The following TRPM5 variants were observed in gnomAD, a reference collection of about 807,000 sequenced individuals.
The protein encoded by TRPM5 is transient receptor potential cation channel subfamily M member 5, also known as MLSN1 and TRP-related.
A neutral mutation model predicts 124.9 loss-of-function variants in TRPM5; 121 were observed. That is an observed-to-expected ratio of 0.97 (90% CI 0.84 to 1.13). TRPM5 has a LOEUF of 1.13. TRPM5 is among the 50% of genes most tolerant of loss of function. TRPM5 has a pLI of 0.00. For synonymous variants in TRPM5, 781 were observed against 700.5 expected, an observed-to-expected ratio of 1.11 and a Z score of -1.81; for missense variants, 1,643 against 1,589.1, an observed-to-expected ratio of 1.03 and a Z score of -0.58.
intron 7 of TRPM5, 98 bp downstream of exon 12, chr11:2,417,629 G>A (rs1259046042): frequency 8.9e-6 from 8 of 899,966 alleles, no homozygotes; most frequent in Non-Finnish European, 1.4e-5. Context: ...GCAGGCGGCC[G>A]AGCGTCACAA....
chr11:2,404,985 T>C (rs146499189), exon 24 of TRPM5: 1 of 1,612,794 alleles, frequency 6.2e-7, no homozygotes, highest in East Asian at 2.2e-5. Flanking sequence ...CCCAGCCATC[T>C]AAACCACCTC....
chr11:2,405,606 A>G lies in TRPM5; in HGVS notation c.3325-13T>C. On this transcript the variant is annotated splice_polypyrimidine_tract_variant and intron_variant, in intron 22 of 23. Transcript: ENST00000155858. ...AGCAGTAGTTGATCTGGAGAAGGGAAACACGTCCGGGAAGCTCCAGGGCTC... is the reference window on the plus strand; with the variant it reads ...AGCAGTAGTTGATCTGGAGAAGGGAGACACGTCCGGGAAGCTCCAGGGCTC... The G allele has an allele frequency of 6.4e-7, 1 of 1,556,472 alleles. No homozygotes were observed.
At chr11:2,407,076 ACCTCGG>A (rs1351469825) in intron 20 of TRPM5, 37 bp downstream of exon 25, 1 of 1,497,792 alleles carries the variant, frequency 6.7e-7, no homozygotes, top group Non-Finnish European at 8.9e-7. Context: ...GGGACCCGCC[ACCTCGG>A]CCTCACCCAG....
chr11:2,443,601 C>A, the TRPM5 span, among the ~76,000 whole-genome samples: 4 of 152,176 alleles, frequency 2.6e-5, no homozygotes, highest in Non-Finnish European at 4.4e-5. This position sits in a 1 kb window ranked among gnomAD's most constrained non-coding sequence, Gnocchi z 5.0. Flanking sequence ...GCGTCAAGGG[C>A]CTGGGCTGGA....
chr11:2,411,305 G>C, intron 18 of TRPM5, 47 bp downstream of exon 23: 1 of 1,498,756 alleles, frequency 6.7e-7, no homozygotes, highest in Non-Finnish European at 9.0e-7. Flanking sequence ...TGTGCACACA[G>C]GGCTCCAATT....
upstream of TRPM5, among the ~76,000 whole-genome samples, chr11:2,424,189 C>T (rs1845814762): frequency 6.6e-6 from 1 of 152,240 alleles, no homozygotes; most frequent in African/African-American, 2.4e-5. Flanking sequence ...ACCACAGAAG[C>T]CCTTTGTGAG....
chr11:2,415,100 C>A, intron 9 of TRPM5, 21 bp downstream of exon 14: 1 of 1,574,792 alleles, frequency 6.4e-7, no homozygotes, highest in Non-Finnish European at 8.6e-7. Flanking sequence ...CGCCCTCCAT[C>A]CCCACGGAGC....
intron 3 of TRPM5, 140 bp downstream of exon 8, chr11:2,420,892 C>T (rs1315474928): frequency 4.0e-6 from 4 of 996,886 alleles, no homozygotes; most frequent in African/African-American, 3.4e-5. Context: ...CACCTGCCGG[C>T]CGTGTGCTGG....
upstream of TRPM5, among the ~76,000 whole-genome samples, chr11:2,426,154 G>A (rs1339599811): frequency 6.6e-6 from 1 of 152,124 alleles, no homozygotes; most frequent in Non-Finnish European, 1.5e-5. Context: ...CCTTCCCAGG[G>A]CCCACAGCAC....
chr11:2,412,346 G>C, intron 15 of TRPM5, 93 bp from the exon 21 acceptor site: 1 of 995,322 alleles, frequency 1.0e-6, no homozygotes, highest in Non-Finnish European at 1.6e-6. Flanking sequence ...TAAGGATCAG[G>C]GTTCCATCTA....
chr11:2,404,887 A>G lies in TRPM5; in HGVS notation c.*50T>C, dbSNP rs778310307. The G allele has an allele frequency of 9.3e-6, 14 of 1,504,808 alleles. No homozygotes were observed. The South Asian group carries it at 1.3e-4, about 13-fold the overall frequency. 93.2% of individuals were successfully genotyped at this position (1,504,808 alleles called of 1,614,324 possible). A position where few individuals can be genotyped will look rare whatever the true frequency, so the allele number is the denominator to read the frequency against. Reference sequence around the variant, plus strand: ...CGGCAAAGGTCAGTGCACAACGTGCAGGGTGGCCAGCTGAGGAGAGGTGGC... The same window carrying G: ...CGGCAAAGGTCAGTGCACAACGTGCGGGGTGGCCAGCTGAGGAGAGGTGGC... On this transcript the variant is annotated 3_prime_UTR_variant, in exon 24 of 24. Transcript: ENST00000155858.
chr11:2,418,733 C>T lies in TRPM5; in HGVS notation c.650-142G>A, dbSNP rs1469744091. ...TGGGCTTCGTCTGGGCCACGTGACA[C>T]AGGCTGCTTATTACAGCCCCTGCCA... On this transcript the variant is annotated intron_variant, in intron 4 of 23. Transcript: ENST00000155858. The T allele has an allele frequency of 7.4e-6, 6 of 811,792 alleles. No homozygotes were observed. The Admixed American group carries it at 1.6e-4, about 21-fold the overall frequency. The allele number at this position is 811,792 out of a possible 1,614,324, so 50.3% of individuals were successfully genotyped here. A position where few individuals can be genotyped will look rare whatever the true frequency, so the allele number is the denominator to read the frequency against.
At chr11:2,417,301 C>CA (rs1293812557) in intron 7 of TRPM5, among the ~76,000 whole-genome samples, 14 of 152,040 alleles carry the variant, frequency 9.2e-5, no homozygotes, top group Non-Finnish European at 1.9e-4. Flanking sequence ...AATACAAAAA[C>CA]AAAATTAGCC....
At chr11:2,433,027 G>A in the TRPM5 span, among the ~76,000 whole-genome samples, 8 of 152,222 alleles carry the variant, frequency 5.3e-5, no homozygotes, top group African/African-American at 7.2e-5. Context: ...GGAGCCGCAC[G>A]TCCGTCCCCA....
chr11:2,432,805 G>A, the TRPM5 span, among the ~76,000 whole-genome samples: 409 of 152,354 alleles, frequency 2.7e-3, 5 homozygotes, highest in African/African-American at 9.4e-3. Context: ...ACCACACACA[G>A]TCTAGCCCCA....
At chr11:2,424,906 C>T (rs1179619985), upstream of TRPM5, among the ~76,000 whole-genome samples, 2 of 152,228 alleles carry the variant, frequency 1.3e-5, no homozygotes, top group African/African-American at 4.8e-5. Context: ...CCTCAGCCCC[C>T]TCCTCCGGCC....
chr11:2,420,522 T>G (rs575638638), intron 3 of TRPM5, 117 bp from the exon 9 acceptor site: 1 of 1,057,412 alleles, frequency 9.5e-7, no homozygotes, highest in South Asian at 1.7e-5. Context: ...GCACAAGGCT[T>G]CTGCCCGAGC....
At chr11:2,415,534 G>A in intron 8 of TRPM5, 63 bp from the exon 14 acceptor site, 1 of 1,183,870 alleles carries the variant, frequency 8.4e-7, no homozygotes. Flanking sequence ...CAGGAGGAGG[G>A]GGTCCAAGGA....
intron 18 of TRPM5, 132 bp downstream of exon 23, chr11:2,411,220 T>C: frequency 8.7e-7 from 1 of 1,154,748 alleles, no homozygotes; most frequent in Non-Finnish European, 1.2e-6. Context: ...CCTCAGCCAC[T>C]TCTCCCATCT....
Sources: allele counts gnomAD v4.1 joint callset (sites outside exome capture counted in the v4.1 genomes callset), GRCh38; gene constraint gnomAD v4.1.1; non-coding constraint Gnocchi (gnomAD v3.1); transcripts MANE v1.5; gene names NCBI Gene and HGNC (gene_info 2026-07-23, HGNC 2026-07-21).